The following HIVEP3 variants were observed in gnomAD, a reference collection of about 807,000 sequenced individuals.
HIVEP3 encodes the protein HIVEP zinc finger 3, also known as transcription factor HIVEP3.
HIVEP3 carries 49 observed loss-of-function variants against 152.8 expected under a neutral mutation model. The ratio of observed to expected loss-of-function variants is 0.32; its 90% CI spans 0.26 to 0.41. HIVEP3 has a LOEUF of 0.41. Among genes scored for constraint, HIVEP3 ranks in the 10% least tolerant of loss-of-function variants. The pLI, the probability that HIVEP3 is intolerant of heterozygous loss-of-function variation, is 1.00. For missense variants in HIVEP3, 2,790 were observed against 3,103.3 expected, an observed-to-expected ratio of 0.90 and a Z score of 2.40; for synonymous variants, 1,269 against 1,289.0, an observed-to-expected ratio of 0.98 and a Z score of 0.33.
chr1:42,026,458 T>C (rs1191515111), intron 1 of HIVEP3, among the ~76,000 whole-genome samples: 1 of 152,226 alleles, frequency 6.6e-6, no homozygotes, highest in African/African-American at 2.4e-5. Flanking sequence ...ATTTAAAAAA[T>C]ATATCCAACA....
Position 41,587,582 on chromosome 1 carries a change from C to T in HIVEP3, c.-521-2264G>A, listed in dbSNP as rs1021444979. The stretch of plus-strand genomic sequence containing the variant: ...TTACGGCCAAAACTAGGCATAAGTG[C>T]CAACTGTCTCTGGGTGTCTCATACA... On this transcript the variant is annotated intron_variant, in intron 3 of 8. Transcript: ENST00000372583. Among the ~76,000 whole-genome samples the T allele has an allele frequency of 2.6e-5, 4 of 152,206 alleles. No individual in the cohort carries two copies. The South Asian group carries it at 6.2e-4, about 24-fold the overall frequency.
intron 3 of HIVEP3, 129 bp downstream of exon 3, chr1:41,628,620 C>G: frequency 1.3e-6 from 1 of 758,186 alleles, no homozygotes; most frequent in Non-Finnish European, 1.8e-6. Context: ...CACAGAGGCA[C>G]CAGAAAGGCA....
At position 41,513,694 on chromosome 1, in the gene HIVEP3, C is replaced by T. The variant is rs1446711934; in HGVS notation, c.5527G>A (p.Glu1843Lys). Residue 1843 changes from glutamate to lysine, a missense_variant, in exon 8 of 9, where the codon GAG (glutamate) becomes AAG (lysine). Around this residue, in one of 9 missense-constraint regions of HIVEP3, gnomAD observed 816 missense variants for 806.5 expected, o/e 1.01. Coordinates refer to ENST00000372583, the MANE Select transcript of HIVEP3 (RefSeq NM_024503.5). Reference protein sequence around the residue: ...SEGREGSEAVEEHQFSDLEDS... With the variant: ...SEGREGSEAVKEHQFSDLEDS... The stretch of plus-strand genomic sequence containing the variant: ...TCCAGGTCCGAAAACTGGTGCTCCT[C>T]CACAGCCTCTGAACCCTCTCGTCCT... 6 of 1,609,676 alleles carry T rather than the reference C, an allele frequency of 3.7e-6. No individual in the cohort carries two copies. The African/African-American group carries it at 4.0e-5, about 11-fold the overall frequency.
At chr1:41,689,508 T>C (rs566739028) in intron 2 of HIVEP3, among the ~76,000 whole-genome samples, 1 of 152,158 alleles carries the variant, frequency 6.6e-6, no homozygotes, top group African/African-American at 2.4e-5. Flanking sequence ...ACTTTCCATT[T>C]CACGGGAGAG....
intron 1 of HIVEP3, among the ~76,000 whole-genome samples, chr1:41,801,202 GA>G (rs1650283173): frequency 6.6e-6 from 1 of 152,144 alleles, no homozygotes; most frequent in African/African-American, 2.4e-5. Context: ...GTCCCTGCAG[GA>G]AGAGATTAAG....
upstream of HIVEP3, among the ~76,000 whole-genome samples, chr1:41,923,423 G>C (rs1326472786): frequency 6.6e-6 from 1 of 152,152 alleles, no homozygotes; most frequent in African/African-American, 2.4e-5. Context: ...ACTTATAAGT[G>C]GGATCTTAAA....
intron 5 of HIVEP3, among the ~76,000 whole-genome samples, chr1:41,568,481 C>T (rs1038024236): frequency 6.6e-6 from 1 of 152,200 alleles, no homozygotes; most frequent in Admixed American, 6.5e-5. Flanking sequence ...GTGAGGGCTT[C>T]GGGGGACACG....
At chr1:41,530,290 G>A (rs1013108409) in intron 5 of HIVEP3, among the ~76,000 whole-genome samples, 1 of 152,208 alleles carries the variant, frequency 6.6e-6, no homozygotes, top group Admixed American at 6.5e-5. Context: ...CCGTGGCGGC[G>A]GTACGCAGAA....
chr1:41,709,205 G>C (rs1453110043), intron 1 of HIVEP3, among the ~76,000 whole-genome samples: 1 of 152,192 alleles, frequency 6.6e-6, no homozygotes, highest in South Asian at 2.1e-4. Flanking sequence ...TTTCTGGGCT[G>C]TACGTTTTTC....
intron 1 of HIVEP3, among the ~76,000 whole-genome samples, chr1:41,705,900 A>G (rs1558195554): frequency 6.6e-6 from 1 of 152,226 alleles, no homozygotes; most frequent in East Asian, 1.9e-4. Flanking sequence ...GGGCTAACAC[A>G]CCATTGAAAA....
intron 5 of HIVEP3, among the ~76,000 whole-genome samples, chr1:41,546,090 A>G (rs975748726): frequency 6.6e-6 from 1 of 152,140 alleles, no homozygotes; most frequent in African/African-American, 2.4e-5. Context: ...CTGTGCCTGG[A>G]GCATGTAAGT....
chr1:41,877,198 A>G (rs1270942700), intron 1 of HIVEP3, among the ~76,000 whole-genome samples: 1 of 152,210 alleles, frequency 6.6e-6, no homozygotes, highest in East Asian at 1.9e-4. Context: ...ACCCCTCCCC[A>G]GAAGACAGCC....
chr1:41,903,127 T>C (rs959550990), intron 1 of HIVEP3, among the ~76,000 whole-genome samples: 4 of 152,218 alleles, frequency 2.6e-5, no homozygotes, highest in African/African-American at 9.6e-5. Context: ...CCAACTACCA[T>C]TTACTGAACA....
intron 2 of HIVEP3, among the ~76,000 whole-genome samples, chr1:41,633,368 C>G (rs957709464): frequency 1.5e-4 from 23 of 152,160 alleles, no homozygotes; most frequent in Admixed American, 1.5e-3. Flanking sequence ...GCCCACCTGC[C>G]AGGCACCCCA....
chr1:41,587,193 C>A (rs928588703), intron 3 of HIVEP3, among the ~76,000 whole-genome samples: 2 of 152,148 alleles, frequency 1.3e-5, no homozygotes, highest in South Asian at 2.1e-4. Flanking sequence ...TTCAATGACA[C>A]CCCTCTGGTC....
Position 41,638,280 on chromosome 1 carries a change from AAGAGGAAGGAAGGAAGGAGAG to A in HIVEP3, c.-720-9354_-720-9334del, listed in dbSNP as rs1204564628. Among the ~76,000 whole-genome samples the A allele has an allele frequency of 8.4e-4, 126 of 150,616 alleles. 1 individual carries two copies. Among genetic ancestry groups the A allele is most frequent in the African/African-American group, 2.2e-3 (92 of 40,984 alleles). On this transcript the variant is annotated intron_variant, in intron 2 of 8. Coordinates refer to ENST00000372583, the MANE Select transcript of HIVEP3 (RefSeq NM_024503.5). ...AGAGAAAGAAAGAAAGAAAGAAAGAAAGAGGAAGGAAGGAAGGAGAGAGAAAGAAAGGAAAAGGAAAGAAAG... is the reference window on the plus strand; with the variant it reads ...AGAGAAAGAAAGAAAGAAAGAAAGAAAGAAAGAAAGGAAAAGGAAAGAAAG...
intron 1 of HIVEP3, among the ~76,000 whole-genome samples, chr1:41,780,008 A>T (rs558711699): frequency 6.6e-6 from 1 of 152,344 alleles, no homozygotes; most frequent in Non-Finnish European, 1.5e-5. Flanking sequence ...GAAAAAGGGT[A>T]AATTAAATGA....
intron 1 of HIVEP3, among the ~76,000 whole-genome samples, chr1:41,811,061 T>G (rs938633699): frequency 6.6e-5 from 10 of 152,044 alleles, no homozygotes; most frequent in African/African-American, 2.4e-4. Context: ...TTGACCAGTT[T>G]ATTTCCCCCA....
chr1:41,920,086 G>A (rs1031768701), upstream of HIVEP3, among the ~76,000 whole-genome samples: 58 of 152,126 alleles, frequency 3.8e-4, no homozygotes, highest in Non-Finnish European at 7.2e-4. Flanking sequence ...CATCACAGGC[G>A]CTCCTGTGTG....
Sources: gnomAD v4.1 joint callset for allele counts (sites outside exome capture counted in the v4.1 genomes callset) on GRCh38, gnomAD v4.1.1 for gene constraint, gnomAD v4.1.1 regional missense constraint, MANE v1.5 for transcripts, NCBI Gene and HGNC (gene_info 2026-07-23, HGNC 2026-07-21) for gene names.